ACER1: variants seen among roughly 807,000 people sequenced by gnomAD.
ACER1 encodes the protein alkaline ceramidase 1.
A neutral mutation model predicts 24.9 loss-of-function variants in ACER1; 28 were observed. The ratio of observed to expected loss-of-function variants is 1.13; its 90% CI spans 0.83 to 1.54. The LOEUF is 1.54. Ranked by LOEUF, ACER1 falls within the 40% of genes most tolerant of loss-of-function variation. ACER1 has a pLI of 0.00. For synonymous variants in ACER1, 132 were observed against 131.4 expected (o/e 1.00, Z -0.03); for missense variants, 352 against 349.3 (o/e 1.01, Z -0.06).
At chr19:6,348,739 T>C in the ACER1 span, among the ~76,000 whole-genome samples, 5 of 152,042 alleles carry the variant, frequency 3.3e-5, no homozygotes, top group East Asian at 1.9e-4. Context: ...GAGATTTTTA[T>C]TGGGAATTCA....
the ACER1 span, among the ~76,000 whole-genome samples, chr19:6,350,161 GA>G: frequency 2.0e-5 from 3 of 151,182 alleles, no homozygotes; most frequent in Non-Finnish European, 4.4e-5. Flanking sequence ...GAAGGGAAGG[GA>G]AGGAGAGGGG....
At chr19:6,315,457 G>A (rs2091598901) in intron 1 of ACER1, among the ~76,000 whole-genome samples, 1 of 151,990 alleles carries the variant, frequency 6.6e-6, no homozygotes. Flanking sequence ...TCGGCTCACT[G>A]CAAGCTCCGC....
chr19:6,324,808 GAA>G (rs1256598167), intron 1 of ACER1, among the ~76,000 whole-genome samples: 2 of 144,678 alleles, frequency 1.4e-5, no homozygotes, highest in African/African-American at 2.6e-5. Context: ...GAAAGAAAGA[GAA>G]AGAAGGAGAG....
chr19:6,334,356 TAAAA>T (rs2091704509), upstream of ACER1, among the ~76,000 whole-genome samples: 1 of 151,034 alleles, frequency 6.6e-6, no homozygotes, highest in Admixed American at 6.6e-5. Flanking sequence ...CCTTTTTTTT[TAAAA>T]TTGAGATGCA....
the ACER1 span, among the ~76,000 whole-genome samples, chr19:6,355,909 C>T: frequency 0.017 from 2,450 of 148,048 alleles, 145 homozygotes; most frequent in African/African-American, 0.061. Context: ...CGCCTCTGCC[C>T]GGCCACCCCT....
At chr19:6,355,620 TGG>T in the ACER1 span, among the ~76,000 whole-genome samples, 1 of 102,652 alleles carries the variant, frequency 9.7e-6, no homozygotes, top group African/African-American at 4.3e-5. Context: ...GGGAGGGAGG[TGG>T]GGGGGGTCAG....
chr19:6,311,628 G>GAGA (rs1378930157), intron 3 of ACER1, among the ~76,000 whole-genome samples: 3 of 148,366 alleles, frequency 2.0e-5, no homozygotes, highest in African/African-American at 7.6e-5. Context: ...GAAGGAGGAG[G>GAGA]AGGAGAAGAA....
chr19:6,318,511 C>T (rs1032017534), intron 1 of ACER1, among the ~76,000 whole-genome samples: 1 of 150,014 alleles, frequency 6.7e-6, no homozygotes, highest in African/African-American at 2.5e-5. Context: ...GGCACAGTGG[C>T]TCATGCCTGT....
intron 5 of ACER1, 126 bp downstream of exon 5, chr19:6,307,027 C>T (rs1015988976): frequency 4.0e-6 from 6 of 1,503,062 alleles, no homozygotes; most frequent in African/African-American, 2.8e-5. Context: ...CCCCTACCGC[C>T]AGGTCCCAGT....
At chr19:6,330,382 G>A (rs2091681289) in intron 1 of ACER1, among the ~76,000 whole-genome samples, 1 of 147,876 alleles carries the variant, frequency 6.8e-6, no homozygotes, top group Admixed American at 6.7e-5. Flanking sequence ...TGTCCAGGCT[G>A]GTCTCAAATT....
the ACER1 span, among the ~76,000 whole-genome samples, chr19:6,352,206 C>T: frequency 2.0e-5 from 3 of 152,144 alleles, no homozygotes; most frequent in African/African-American, 4.8e-5. Flanking sequence ...ACTCCTCCGC[C>T]GAGTCTATTT....
intron 1 of ACER1, among the ~76,000 whole-genome samples, chr19:6,324,910 A>AGGAAGGAAG (rs1469686284): frequency 6.2e-5 from 9 of 145,666 alleles, no homozygotes; most frequent in Admixed American, 3.5e-4. Context: ...GAAGGAAGGA[A>AGGAAGGAAG]GGAGGAAGGA....
the ACER1 span, among the ~76,000 whole-genome samples, chr19:6,347,219 TTTTTC>T: frequency 3.1e-5 from 4 of 127,872 alleles, no homozygotes; most frequent in African/African-American, 1.4e-4. Flanking sequence ...TTTTCTTTTC[TTTTTC>T]TTTTTTTTTT....
At chr19:6,338,758 A>G in the ACER1 span, among the ~76,000 whole-genome samples, 16 of 152,066 alleles carry the variant, frequency 1.1e-4, no homozygotes, top group African/African-American at 3.9e-4. Context: ...TATTTTTTGT[A>G]GAGACAGGTT....
In ACER1 at chr19:6,306,748, T is replaced by C. The variant is rs200706703; in HGVS notation, c.761A>G (p.Tyr254Cys). ...PRDSWPVGLP[Y>C]VEIRGDDKDC ...CTTGTCATCACCCCGGATTTCCACGTAGGGCAGCCCCACGGGCCAACTGTC... is the reference window on the plus strand; with the variant it reads ...CTTGTCATCACCCCGGATTTCCACGCAGGGCAGCCCCACGGGCCAACTGTC... The change falls in exon 6 of 6, where the codon TAC becomes TGC. Residue 254 changes from tyrosine (Y) to cysteine (C), a missense_variant. Transcript: ENST00000301452. 4 of 1,613,566 alleles carry C rather than the reference T, an allele frequency of 2.5e-6. No homozygotes were observed. In the East Asian group the frequency reaches 8.9e-5, roughly 36 times the overall value.
At chr19:6,357,042 C>CTTTT in the ACER1 span, among the ~76,000 whole-genome samples, 16 of 124,490 alleles carry the variant, frequency 1.3e-4, no homozygotes, top group Non-Finnish European at 2.0e-4. Context: ...TGAGCTGAGA[C>CTTTT]TTTTTTTTTT....
intron 1 of ACER1, among the ~76,000 whole-genome samples, chr19:6,329,264 G>A (rs565091828): frequency 1.1e-4 from 16 of 152,158 alleles, no homozygotes; most frequent in African/African-American, 2.6e-4. Context: ...ACTCAGAAGC[G>A]TTTTGGAGGA....
Position 6,312,241 on chromosome 19 carries a change from C to T in ACER1, c.258G>A (p.Leu86=). The T allele has an allele frequency of 6.2e-7, 1 of 1,614,064 alleles. No individual in the cohort carries two copies. Among genetic ancestry groups the T allele is most frequent in the East Asian group, 2.2e-5 (1 of 44,888 alleles). Residue 86 remains leucine (L), a synonymous_variant, in exon 3 of 6, where the codon CTG becomes CTA. Transcript: ENST00000301452. ...FHMTLSFLGQ[L]LDEIAILWLL... ...GCCACAGGATGGCGATCTCGTCCAGCAGCTGGCCCAGGAAGCTGAGCGTCA... is the reference window on the plus strand; with the variant it reads ...GCCACAGGATGGCGATCTCGTCCAGTAGCTGGCCCAGGAAGCTGAGCGTCA...
the ACER1 span, among the ~76,000 whole-genome samples, chr19:6,338,749 AT>A: frequency 6.6e-6 from 1 of 151,762 alleles, no homozygotes; most frequent in Non-Finnish European, 1.5e-5. Context: ...AATTTTTTCT[AT>A]TTTTTGTAGA....
Sources: gnomAD v4.1 joint callset for allele counts (sites outside exome capture counted in the v4.1 genomes callset) on GRCh38, gnomAD v4.1.1 for gene constraint, MANE v1.5 for transcripts, NCBI Gene and HGNC (gene_info 2026-07-23, HGNC 2026-07-21) for gene names.